NME5: variants seen among roughly 807,000 people sequenced by gnomAD.
The protein encoded by NME5 is NME/NM23 family member 5.
NME5 carries 18 observed loss-of-function variants against 21.6 expected under a neutral mutation model. That is an observed-to-expected ratio of 0.83 (90% confidence interval 0.58 to 1.24). The LOEUF is 1.24. Ranked by LOEUF, NME5 falls within the 50% of genes most tolerant of loss-of-function variation. The pLI, the probability that NME5 is intolerant of heterozygous loss-of-function variation, is 0.00. For missense variants in NME5, 223 were observed against 255.4 expected (o/e 0.87, Z 0.86); for synonymous variants, 70 against 80.6 (o/e 0.87, Z 0.71).
chr5:138,128,441 A>C (rs1259808950), intron 4 of NME5, 38 bp downstream of exon 4: 3 of 1,404,234 alleles, frequency 2.1e-6, no homozygotes, highest in Non-Finnish European at 3.0e-6. Context: ...GCAAACAATA[A>C]GGAGATGCAG....
Position 138,133,429 on chromosome 5 carries a change from T to C in NME5, c.130-3961A>G, listed in dbSNP as rs17171760. Among the ~76,000 whole-genome samples the C allele has an allele frequency of 5.8e-3, 882 of 152,180 alleles. 7 individuals carry two copies. Among genetic ancestry groups the C allele is most frequent in the African/African-American group, 0.02 (839 of 41,522 alleles). The stretch of plus-strand genomic sequence containing the variant: ...CTTAAGGGTTCATCTTTAAATAAAA[T>C]TGATACTAAATCAATTATTCCATTG... On this transcript the variant is annotated intron_variant, in intron 2 of 5. Coordinates refer to ENST00000265191, the MANE Select transcript of NME5 (RefSeq NM_003551.3).
Position 138,115,708 on chromosome 5 carries a change from G to A in NME5, c.612C>T (p.His204=). 1 of 1,578,540 alleles carries A rather than the reference G, an allele frequency of 6.3e-7. No homozygotes were observed. Among genetic ancestry groups the A allele is most frequent in the South Asian group, 1.2e-5 (1 of 83,916 alleles). The change falls in exon 6 of 6, where the codon CAC becomes CAT. Residue 204 remains histidine, a synonymous_variant. Transcript: ENST00000265191. ...KNNPNKPKLC[H]HPIVEEPY is the part of the protein sequence containing the mutation. ...AATAAGGTTCTTCTACAATTGGATG[G>A]TGACAAAGTTTGGGTTTGTTAGGAT...
chr5:138,127,627 T>TA, intron 4 of NME5: 1 of 984,424 alleles, frequency 1.0e-6, no homozygotes. Context: ...ATTTCTGCTC[T>TA]AAAAATATTA....
At chr5:138,120,230 C>CT (rs59354099) in intron 4 of NME5, among the ~76,000 whole-genome samples, 29,213 of 86,606 alleles carry the variant, frequency 0.34, 5,038 homozygotes, top group Non-Finnish European at 0.4. Flanking sequence ...GCTCCCAGCT[C>CT]TTTTTTTTTT....
At chr5:138,133,817 T>G (rs909961261) in intron 2 of NME5, among the ~76,000 whole-genome samples, 2 of 152,216 alleles carry the variant, frequency 1.3e-5, no homozygotes, top group African/African-American at 4.8e-5. Context: ...GAATAGTGGT[T>G]ATCGGGGATG....
chr5:138,125,519 T>C (rs937972531), intron 4 of NME5, among the ~76,000 whole-genome samples: 1 of 152,140 alleles, frequency 6.6e-6, no homozygotes, highest in Non-Finnish European at 1.5e-5. Context: ...TTTAAGGTTG[T>C]AGTGAGCTAT....
chr5:138,129,594 GAAGA>G, intron 2 of NME5, 126 bp from the exon 3 acceptor site: 1 of 663,176 alleles, frequency 1.5e-6, no homozygotes, highest in Non-Finnish European at 2.6e-6. Flanking sequence ...TTTGTATTAT[GAAGA>G]AAGAAAAGGA....
At chr5:138,118,960 T>G in intron 4 of NME5, 24 bp from the exon 5 acceptor site, 1 of 1,283,172 alleles carries the variant, frequency 7.8e-7, no homozygotes, top group Non-Finnish European at 1.1e-6. Context: ...TGTATTCTCA[T>G]TGATGCAAAC....
chr5:138,130,181 G>T (rs1452677925), intron 2 of NME5, among the ~76,000 whole-genome samples: 1 of 152,194 alleles, frequency 6.6e-6, no homozygotes, highest in Non-Finnish European at 1.5e-5. Flanking sequence ...ATTTTGGGAG[G>T]CCAAGGCGGA....
At chr5:138,117,882 G>T (rs1337582222) in intron 5 of NME5, among the ~76,000 whole-genome samples, 1 of 151,862 alleles carries the variant, frequency 6.6e-6, no homozygotes, top group Non-Finnish European at 1.5e-5. Flanking sequence ...TACTCAGGAG[G>T]CTGAGGCAGG....
At position 138,118,916 on chromosome 5, in the gene NME5, T is replaced by C. The variant is rs760661816; in HGVS notation, c.457A>G (p.Ile153Val). 8 of 1,606,714 alleles carry C rather than the reference T, an allele frequency of 5.0e-6. No individual in the cohort carries two copies. The highest frequency in any genetic ancestry group is 1.6e-4 in the Middle Eastern group (1 of 6,072). Residue 153 changes from isoleucine (I) to valine (V), a missense_variant, in exon 5 of 6, where the codon ATT becomes GTT. By Grantham distance (29) the Ile-to-Val change is conservative. Transcript: ENST00000265191. ...AAATAGTCCTTAGCAGCTTGTCCAA[T>C]TGGAATGGGCTCAACAATCACTGCA... ...FPEVIVEPIPIGQAAKDYLNL... is the reference protein window; with the variant it reads ...FPEVIVEPIPVGQAAKDYLNL...
intron 4 of NME5, 81 bp from the exon 5 acceptor site, chr5:138,119,017 A>G: frequency 3.7e-6 from 3 of 802,638 alleles, no homozygotes; most frequent in Middle Eastern, 3.0e-4. Context: ...CTTTTTAAAG[A>G]ACTTTTCTCT....
rs973346352 is a variant in NME5 at position 138,120,238 on chromosome 5, T to G, written c.437-1302A>C. Among the ~76,000 whole-genome samples the G allele has an allele frequency of 2.1e-5, 3 of 145,558 alleles. No individual in the cohort carries two copies. In the East Asian group the frequency reaches 6.0e-4, roughly 29 times the overall value. On this transcript the variant is annotated intron_variant, in intron 4 of 5. Coordinates refer to ENST00000265191, the MANE Select transcript of NME5 (RefSeq NM_003551.3). ...AACCACTGCTCCCAGCTCTTTTTTTTTTTTTTTTTTTTTTGAGACAGAGTC... is the reference window on the plus strand; with the variant it reads ...AACCACTGCTCCCAGCTCTTTTTTTGTTTTTTTTTTTTTTGAGACAGAGTC...
intron 2 of NME5, among the ~76,000 whole-genome samples, chr5:138,137,142 T>C (rs1751717483): frequency 6.6e-6 from 1 of 152,146 alleles, no homozygotes; most frequent in South Asian, 2.1e-4. Flanking sequence ...TTGATCCAAA[T>C]TTTTCAGTGG....
chr5:138,130,294 C>T (rs1362263450), intron 2 of NME5, among the ~76,000 whole-genome samples: 1 of 151,742 alleles, frequency 6.6e-6, no homozygotes, highest in Non-Finnish European at 1.5e-5. Flanking sequence ...TGGTGGTGTG[C>T]GCCTGTAGTC....
chr5:138,128,496 C>A lies in NME5; in HGVS notation c.419G>T (p.Arg140Leu), dbSNP rs748417859. ...TAACTCACCTTCAGGAAACATAAAA[C>A]GTATTTCTCTTTCCGCAGCAGCAAA... ...NDFAAAEREI[R>L]FMFPEVIVEP... is the part of the protein sequence containing the mutation. The change falls in exon 4 of 6, where the codon CGT becomes CTT. Residue 140 changes from arginine (R) to leucine (L), a missense_variant. Transcript: ENST00000265191. 1.2e-5 allele frequency: 20 copies of A among 1,612,348 alleles called. No homozygotes were observed. In the East Asian group the frequency reaches 4.5e-4, roughly 36 times the overall value.
In NME5 at chr5:138,115,481, T is replaced by A; in HGVS notation, c.*200A>T. 2.6e-6 allele frequency: 1 copy of A among 383,934 alleles called. No homozygotes were observed. Among genetic ancestry groups the A allele is most frequent in the Non-Finnish European group, 4.6e-6 (1 of 217,000 alleles). 23.8% of individuals were successfully genotyped at this position (383,934 alleles called of 1,614,324 possible). On this transcript the variant is annotated 3_prime_UTR_variant, in exon 6 of 6. Coordinates refer to ENST00000265191, the MANE Select transcript of NME5 (RefSeq NM_003551.3). ...TCCATTACCTAGTGTTACATCATTG[T>A]TAAAATCATACTCTAAGCCTATATT... is the stretch of plus-strand genomic sequence containing the variant.
chr5:138,128,377 A>G (rs1407150401), intron 4 of NME5, 102 bp downstream of exon 4: 9 of 886,996 alleles, frequency 1.0e-5, no homozygotes, highest in East Asian at 2.8e-5. Flanking sequence ...AATATACTGG[A>G]AAAAAAATTA....
intron 4 of NME5, among the ~76,000 whole-genome samples, chr5:138,126,893 G>A (rs1751440080): frequency 6.6e-6 from 1 of 152,082 alleles, no homozygotes; most frequent in African/African-American, 2.4e-5. Context: ...GCTGCCATGA[G>A]TCGTGATCAT....
Sources: gnomAD v4.1 joint callset for allele counts (sites outside exome capture counted in the v4.1 genomes callset) on GRCh38, gnomAD v4.1.1 for gene constraint, MANE v1.5 for transcripts, NCBI Gene and HGNC (gene_info 2026-07-23, HGNC 2026-07-21) for gene names.